Variants in ADAM12 observed in about 807,000 individuals in gnomAD.
ADAM12 encodes the protein disintegrin and metalloproteinase domain-containing protein 12.
In ADAM12, 70 loss-of-function variants were observed where a neutral mutation model predicts 106.4. The observed-to-expected ratio is 0.66, with a 90% CI of 0.54 to 0.80. The LOEUF (loss-of-function observed/expected upper bound fraction) is 0.80. Ranked by LOEUF, ADAM12 falls within the 30% of genes least tolerant of loss-of-function variation. ADAM12 has a pLI of 0.00. For missense variants in ADAM12, 1,010 were observed against 1,171.9 expected (o/e 0.86, Z 2.02); for synonymous variants, 420 against 433.5 (o/e 0.97, Z 0.39).
intron 20 of ADAM12, among the ~76,000 whole-genome samples, chr10:126,037,627 AAGAACTATT>A (rs1331021939): frequency 6.6e-6 from 1 of 152,052 alleles, no homozygotes; most frequent in Non-Finnish European, 1.5e-5. Context: ...CTCGGTGGGG[AAGAACTATT>A]AGAATGAACT....
chr10:126,172,356 C>G (rs576708241), intron 3 of ADAM12, among the ~76,000 whole-genome samples: 1 of 152,072 alleles, frequency 6.6e-6, no homozygotes, highest in Non-Finnish European at 1.5e-5. Flanking sequence ...CCTGAGGAAT[C>G]ATTACTAATT....
intron 9 of ADAM12, 125 bp downstream of exon 9, chr10:126,100,947 G>T (rs1955652491): frequency 2.0e-6 from 2 of 996,040 alleles, no homozygotes; most frequent in African/African-American, 1.6e-5. Context: ...GAGCTGAGAA[G>T]CCCCCTTGCA....
chr10:126,313,657 ATCTG>A (rs1482187048), intron 2 of ADAM12, among the ~76,000 whole-genome samples: 8 of 152,262 alleles, frequency 5.3e-5, no homozygotes, highest in Non-Finnish European at 7.4e-5. Flanking sequence ...CCATCCGTCG[ATCTG>A]TCTGTCTGTC....
intron 3 of ADAM12, among the ~76,000 whole-genome samples, chr10:126,273,673 C>A (rs1959193285): frequency 6.6e-6 from 1 of 152,072 alleles, no homozygotes; most frequent in African/African-American, 2.4e-5. Context: ...TGGCCATCAC[C>A]AAGAATTAGA....
At chr10:126,260,288 T>C (rs1017213832) in intron 3 of ADAM12, among the ~76,000 whole-genome samples, 6 of 152,216 alleles carry the variant, frequency 3.9e-5, no homozygotes, top group African/African-American at 1.4e-4. Context: ...AATTAGCAAT[T>C]TAAAAGCTGC....
At chr10:126,275,259 T>C (rs909583929) in intron 3 of ADAM12, among the ~76,000 whole-genome samples, 2 of 152,118 alleles carry the variant, frequency 1.3e-5, no homozygotes, top group African/African-American at 4.8e-5. Context: ...ACAGAATACC[T>C]ATGTAAGGGA....
intron 2 of ADAM12, among the ~76,000 whole-genome samples, chr10:126,290,695 C>T (rs1960108943): frequency 6.6e-6 from 1 of 152,164 alleles, no homozygotes. Flanking sequence ...ATAAATGACG[C>T]TTCAAAAATT....
rs755358714 is a variant in ADAM12 at position 126,101,141 on chromosome 10, T to C, written c.842A>G (p.His281Arg). 6 of 1,613,982 alleles carry C rather than the reference T, an allele frequency of 3.7e-6. No individual in the cohort carries two copies. In the African/African-American group the frequency reaches 4.0e-5, roughly 11 times the overall value. Residue 281 changes from histidine (H) to arginine (R), a missense_variant, in exon 9 of 23, where the codon CAT (histidine) becomes CGT (arginine). Coordinates refer to ENST00000448723, the MANE Select transcript of ADAM12 (RefSeq NM_001288973.2). ...SVSQDPFTSLHEFLDWRKMKL... is the reference protein window; with the variant it reads ...SVSQDPFTSLREFLDWRKMKL... ...CATCTTCCTCCAGTCCAGAAATTCA[T>C]GGAGGCTGGTGAATGGGTCCTGACT...
At chr10:126,298,696 T>G (rs1020404483) in intron 2 of ADAM12, among the ~76,000 whole-genome samples, 1 of 152,028 alleles carries the variant, frequency 6.6e-6, no homozygotes, top group Admixed American at 6.5e-5. Context: ...CAAAGTATTA[T>G]AAATGAAAAA....
chr10:126,168,355 T>C (rs1957061703), intron 3 of ADAM12, among the ~76,000 whole-genome samples: 1 of 152,204 alleles, frequency 6.6e-6, no homozygotes, highest in African/African-American at 2.4e-5. Context: ...TCTTCTTTTA[T>C]GACTTTGAAT....
chr10:126,124,597 T>C (rs1956168806), intron 5 of ADAM12, among the ~76,000 whole-genome samples: 4 of 151,894 alleles, frequency 2.6e-5, no homozygotes, highest in Admixed American at 2.6e-4. Flanking sequence ...ACATTAAGAA[T>C]AGTTATTACC....
rs1958167459 is a variant in ADAM12 at position 126,225,112 on chromosome 10, G to A, written c.260+53803C>T. ...GACTGCTTTCAGAGGAGGCTGTGCT[G>A]GTGGCAGAAGGGCAAGAAGGCTTTT... On this transcript the variant is annotated intron_variant, in intron 3 of 22. Transcript: ENST00000448723. Among the ~76,000 whole-genome samples, 3 of 152,220 alleles carry A rather than the reference G, an allele frequency of 2.0e-5. No homozygotes were observed. In the South Asian group the frequency reaches 6.2e-4, roughly 32 times the overall value.
In ADAM12 at chr10:126,325,863, C is replaced by A. The variant is rs191614415; in HGVS notation, c.186+4549G>T. Among the ~76,000 whole-genome samples, 149 of 152,280 alleles carry A rather than the reference C, an allele frequency of 9.8e-4. 2 individuals carry two copies. Among genetic ancestry groups the A allele is most frequent in the African/African-American group, 3.4e-3 (142 of 41,554 alleles). On this transcript the variant is annotated intron_variant, in intron 2 of 22. Transcript: ENST00000448723. Reference sequence around the variant, plus strand: ...TTTACAGCCATCGTTTCATCTCATTCTCACAATGACCCTTAGAGGGAGGGA... The same window carrying A: ...TTTACAGCCATCGTTTCATCTCATTATCACAATGACCCTTAGAGGGAGGGA...
chr10:126,318,127 A>G (rs1466796177), intron 2 of ADAM12, among the ~76,000 whole-genome samples: 1 of 152,154 alleles, frequency 6.6e-6, no homozygotes, highest in Non-Finnish European at 1.5e-5. Context: ...GGCTGACTTT[A>G]GGACAGGTAC....
Position 126,248,685 on chromosome 10 carries a change from G to GTATGTATTTATT in ADAM12, c.260+30229_260+30230insAATAAATACATA, listed in dbSNP as rs1291820531. Among the ~76,000 whole-genome samples the GTATGTATTTATT allele has an allele frequency of 3.7e-3, 246 of 67,054 alleles. 2 individuals are homozygous for GTATGTATTTATT. The highest frequency in any genetic ancestry group is 0.013 in the African/African-American group (198 of 15,112). 44.0% of individuals were successfully genotyped at this position (67,054 alleles called of 152,430 possible). ...TGTATGTATGTATGTATGTATGTAT[G>GTATGTATTTATT]TATTTATTTATTTATTTATTTATTT... On this transcript the variant is annotated intron_variant, in intron 3 of 22. Coordinates refer to ENST00000448723, the MANE Select transcript of ADAM12 (RefSeq NM_001288973.2).
intron 3 of ADAM12, among the ~76,000 whole-genome samples, chr10:126,157,730 C>T (rs1433027914): frequency 6.6e-6 from 1 of 152,246 alleles, no homozygotes; most frequent in Non-Finnish European, 1.5e-5. Flanking sequence ...AAGTTGCCCT[C>T]CTTGGCAGCG....
In ADAM12 at chr10:126,277,100, G is replaced by A. The variant is rs572646384; in HGVS notation, c.260+1815C>T. On this transcript the variant is annotated intron_variant, in intron 3 of 22. Transcript: ENST00000448723. ...CAACTAAGAAGACAAAAGAAACAAAGGCTTATTTATAAGAAAAAAAATCCA... is the reference window on the plus strand; with the variant it reads ...CAACTAAGAAGACAAAAGAAACAAAAGCTTATTTATAAGAAAAAAAATCCA... Among the ~76,000 whole-genome samples, 120 of 152,090 alleles carry A rather than the reference G, an allele frequency of 7.9e-4. 1 individual carries two copies. Among genetic ancestry groups the A allele is most frequent in the African/African-American group, 2.8e-3 (116 of 41,496 alleles).
chr10:126,090,177 G>C (rs1955435483), intron 11 of ADAM12, among the ~76,000 whole-genome samples: 1 of 151,946 alleles, frequency 6.6e-6, no homozygotes, highest in Non-Finnish European at 1.5e-5. Context: ...GGCTTGTCCT[G>C]TTCACAGCTG....
At chr10:126,166,760 G>T (rs1957032646) in intron 3 of ADAM12, among the ~76,000 whole-genome samples, 1 of 152,088 alleles carries the variant, frequency 6.6e-6, no homozygotes, top group African/African-American at 2.4e-5. Context: ...ACCTCCCAAA[G>T]GCATGAGCCA....
Sources: gnomAD v4.1 joint callset for allele counts (sites outside exome capture counted in the v4.1 genomes callset) on GRCh38, gnomAD v4.1.1 for gene constraint, MANE v1.5 for transcripts, NCBI Gene and HGNC (gene_info 2026-07-23, HGNC 2026-07-21) for gene names.